Variants in EXOC4 observed in about 807,000 individuals in gnomAD.
EXOC4 encodes exocyst complex component 4, also known as SEC8-like 1.
Under a neutral mutation model 107.2 loss-of-function variants are expected in EXOC4, and 71 were observed. That is an observed-to-expected ratio of 0.66 (90% confidence interval 0.55 to 0.81). The LOEUF (loss-of-function observed/expected upper bound fraction) is 0.81, where lower values mean the gene tolerates loss of function less well. Ranked by LOEUF, EXOC4 falls within the 30% of genes least tolerant of loss-of-function variation. The probability of loss-of-function intolerance (pLI) is 0.00; values close to 1 mark genes in which losing one functional copy is unlikely to be tolerated. For synonymous variants in EXOC4, 456 were observed against 441.2 expected, an observed-to-expected ratio of 1.03 and a Z score of -0.42; for missense variants, 1,108 against 1,189.6, an observed-to-expected ratio of 0.93 and a Z score of 1.01.
chr7:133,412,890 A>G lies in EXOC4; in HGVS notation c.1182+37888A>G, dbSNP rs1320856716. Among the ~76,000 whole-genome samples the G allele has an allele frequency of 2.0e-5, 3 of 152,090 alleles. No individual in the cohort carries two copies. The East Asian group carries it at 5.8e-4, about 29-fold the overall frequency. ...GCTATCTTTCTCAAAATAGTGGTTT[A>G]ATGGCAAACCTCTCGGAAGGACTCT... is the stretch of plus-strand genomic sequence containing the variant. On this transcript the variant is annotated intron_variant, in intron 7 of 17. Transcript: ENST00000253861.
At position 133,599,646 on chromosome 7, in the gene EXOC4, G is replaced by A. The variant is rs188528483; in HGVS notation, c.1418-30399G>A. On this transcript the variant is annotated intron_variant, in intron 9 of 17. Coordinates refer to ENST00000253861, the MANE Select transcript of EXOC4 (RefSeq NM_021807.4). ...CTAGATGGACCTTTTCTGGACATTC[G>A]TCATTTCTGAGATGATAAATGAGCA... is the stretch of plus-strand genomic sequence containing the variant. 4.3e-3 allele frequency among the ~76,000 whole-genome samples: 655 copies of A among 152,200 alleles called. 4 individuals carry two copies. The highest frequency in any genetic ancestry group is 6.8e-3 in the South Asian group (33 of 4,826).
intron 7 of EXOC4, among the ~76,000 whole-genome samples, chr7:133,378,027 T>TC (rs1796527470): frequency 6.6e-6 from 1 of 152,134 alleles, no homozygotes; most frequent in African/African-American, 2.4e-5. Flanking sequence ...AGAAAGTTTT[T>TC]CAGCCATGCG....
chr7:133,918,878 T>C (rs1245949777), intron 13 of EXOC4, among the ~76,000 whole-genome samples: 1 of 152,178 alleles, frequency 6.6e-6, no homozygotes, highest in Non-Finnish European at 1.5e-5. Flanking sequence ...AAACAAAGAC[T>C]AGAAGAGGAA....
intron 14 of EXOC4, among the ~76,000 whole-genome samples, chr7:133,955,631 G>A (rs1301363311): frequency 3.9e-5 from 6 of 152,206 alleles, no homozygotes; most frequent in Admixed American, 3.3e-4. Flanking sequence ...CTTCACCGGG[G>A]ACCTGGCCCT....
chr7:133,872,099 G>A (rs1366931937), intron 11 of EXOC4, among the ~76,000 whole-genome samples: 1 of 151,944 alleles, frequency 6.6e-6, no homozygotes, highest in Non-Finnish European at 1.5e-5. Context: ...ACTAGGAAAA[G>A]AGTCAATGAA....
chr7:133,542,452 C>T (rs1472666859), intron 9 of EXOC4, among the ~76,000 whole-genome samples: 18 of 151,982 alleles, frequency 1.2e-4, no homozygotes. Flanking sequence ...GTTTTATGAC[C>T]TATAGTGAAA....
chr7:133,631,829 T>A (rs1422368475), intron 10 of EXOC4, among the ~76,000 whole-genome samples: 1 of 152,148 alleles, frequency 6.6e-6, no homozygotes, highest in East Asian at 1.9e-4. Context: ...GATTTCTACT[T>A]AGGTAATGTT....
chr7:134,054,592 G>A (rs1156510018), intron 17 of EXOC4, among the ~76,000 whole-genome samples: 1 of 152,144 alleles, frequency 6.6e-6, no homozygotes, highest in Non-Finnish European at 1.5e-5. Context: ...CAGTTCTAAA[G>A]CCAGCATCCT....
chr7:133,419,818 C>T (rs527436609), intron 7 of EXOC4, among the ~76,000 whole-genome samples: 2 of 152,242 alleles, frequency 1.3e-5, no homozygotes, highest in East Asian at 3.9e-4. Context: ...ATAGCACACA[C>T]TTATTATCTC....
chr7:133,812,917 C>G (rs980843116), intron 10 of EXOC4, among the ~76,000 whole-genome samples: 1 of 152,086 alleles, frequency 6.6e-6, no homozygotes, highest in Non-Finnish European at 1.5e-5. Flanking sequence ...AGCCCCCGTT[C>G]TATCCATTTT....
At chr7:133,434,672 A>G (rs1233918329) in intron 7 of EXOC4, among the ~76,000 whole-genome samples, 1 of 152,172 alleles carries the variant, frequency 6.6e-6, no homozygotes, top group Non-Finnish European at 1.5e-5. Context: ...ACCATACACC[A>G]TTGATGTTGC....
intron 9 of EXOC4, among the ~76,000 whole-genome samples, chr7:133,497,766 C>T (rs896152967): frequency 2.0e-5 from 3 of 152,000 alleles, no homozygotes; most frequent in Non-Finnish European, 2.9e-5. Context: ...GGAATCGAAC[C>T]CTGGTCTCCC....
chr7:133,717,490 A>G (rs1795022536), intron 10 of EXOC4, among the ~76,000 whole-genome samples: 1 of 152,102 alleles, frequency 6.6e-6, no homozygotes, highest in Non-Finnish European at 1.5e-5. Context: ...ACACTACCCC[A>G]TGGTTCTGCA....
At chr7:133,785,250 A>G (rs1796544452) in intron 10 of EXOC4, among the ~76,000 whole-genome samples, 1 of 151,698 alleles carries the variant, frequency 6.6e-6, no homozygotes, top group Non-Finnish European at 1.5e-5. Context: ...GAATTAAAGC[A>G]CTATTAATTT....
At chr7:133,446,558 GCTCA>G (rs1160826887) in intron 7 of EXOC4, among the ~76,000 whole-genome samples, 1 of 152,170 alleles carries the variant, frequency 6.6e-6, no homozygotes, top group Non-Finnish European at 1.5e-5. Flanking sequence ...CGACCTGTCT[GCTCA>G]CTATTACCCG....
chr7:133,796,485 G>A lies in EXOC4; in HGVS notation c.1515-20840G>A, dbSNP rs139676101. 7.4e-4 allele frequency among the ~76,000 whole-genome samples: 112 copies of A among 152,198 alleles called. 2 individuals are homozygous for A. The East Asian group carries it at 0.016, about 21-fold the overall frequency. The stretch of plus-strand genomic sequence containing the variant: ...TAACAATATTATTTTGGCCGGGCGC[G>A]GTGGTGGCTCACCCCTGTAATCCCA... On this transcript the variant is annotated intron_variant, in intron 10 of 17. Coordinates refer to ENST00000253861, the MANE Select transcript of EXOC4 (RefSeq NM_021807.4).
At chr7:133,980,641 G>A (rs545578258) in intron 14 of EXOC4, among the ~76,000 whole-genome samples, 31 of 152,316 alleles carry the variant, frequency 2.0e-4, no homozygotes, top group South Asian at 6.2e-4. Context: ...TTTACTTAGC[G>A]AAAAATATTT....
chr7:133,419,708 T>A (rs922236686), intron 7 of EXOC4, among the ~76,000 whole-genome samples: 2 of 152,318 alleles, frequency 1.3e-5, no homozygotes, highest in Non-Finnish European at 2.9e-5. Flanking sequence ...ATGTTAGTGC[T>A]GTTTGAAGTG....
At chr7:133,431,276 T>C (rs1797851018) in intron 7 of EXOC4, among the ~76,000 whole-genome samples, 1 of 152,208 alleles carries the variant, frequency 6.6e-6, no homozygotes, top group Non-Finnish European at 1.5e-5. Context: ...TTAATGAGTG[T>C]TTTTGTTCTT....
Sources: allele counts gnomAD v4.1 joint callset (sites outside exome capture counted in the v4.1 genomes callset), GRCh38; gene constraint gnomAD v4.1.1; transcripts MANE v1.5; gene names NCBI Gene and HGNC (gene_info 2026-07-23, HGNC 2026-07-21).